The following APBA1 variants were observed in gnomAD, a reference collection of about 807,000 sequenced individuals.
APBA1 encodes the protein amyloid-beta A4 precursor protein-binding family A member 1.
In APBA1, 55 loss-of-function variants were observed where a neutral mutation model predicts 86.6. The ratio of observed to expected loss-of-function variants is 0.64; its 90% CI spans 0.51 to 0.80. APBA1 has a LOEUF of 0.80. APBA1 is among the 30% of genes least tolerant of loss of function. The pLI is 0.00. For missense variants in APBA1, 1,090 were observed against 1,183.0 expected (o/e 0.92, Z 1.15); for synonymous variants, 511 against 493.9 (o/e 1.03, Z -0.46).
At chr9:69,445,890 G>A (rs1027895673) in intron 10 of APBA1, among the ~76,000 whole-genome samples, 4 of 152,118 alleles carry the variant, frequency 2.6e-5, no homozygotes, top group South Asian at 2.1e-4. Flanking sequence ...CATCCCCGCC[G>A]CAAAGCCTGC....
At chr9:69,585,158 G>A (rs77104205) in intron 1 of APBA1, among the ~76,000 whole-genome samples, 1,664 of 152,256 alleles carry the variant, frequency 0.011, 78 homozygotes, top group East Asian at 0.078. Flanking sequence ...GATATAAACA[G>A]CAAACAAATA....
chr9:69,444,932 T>C (rs1834883565), intron 10 of APBA1, among the ~76,000 whole-genome samples: 1 of 152,176 alleles, frequency 6.6e-6, no homozygotes, highest in Admixed American at 6.5e-5. Flanking sequence ...CTTCACCCTT[T>C]TCTCTCTAAT....
intron 7 of APBA1, among the ~76,000 whole-genome samples, chr9:69,456,690 A>T (rs964474484): frequency 6.6e-6 from 1 of 152,034 alleles, no homozygotes; most frequent in Non-Finnish European, 1.5e-5. Context: ...CTTGTGGAGA[A>T]GTTTAAAAAA....
At chr9:69,629,481 GACA>G (rs1822996007) in intron 1 of APBA1, among the ~76,000 whole-genome samples, 1 of 152,178 alleles carries the variant, frequency 6.6e-6, no homozygotes, top group South Asian at 2.1e-4. Flanking sequence ...ATGAAATGAT[GACA>G]ACAAGTTGCA....
intron 10 of APBA1, among the ~76,000 whole-genome samples, chr9:69,441,985 T>G (rs1834832135): frequency 6.6e-6 from 1 of 152,212 alleles, no homozygotes; most frequent in Admixed American, 6.5e-5. Context: ...AGCCCTGGTG[T>G]GCTCAGAAGC....
rs147964814 is a variant in APBA1, at chr9:69,467,698, G to A, written c.1482+125C>T. On this transcript the variant is annotated intron_variant, in intron 5 of 12. Coordinates refer to ENST00000265381, the MANE Select transcript of APBA1 (RefSeq NM_001163.4). ...GTTAGCAGGCACATGGATAAGCACTGCCTGTGTGATGTCATCTCAAACCAC... is the reference window on the plus strand; with the variant it reads ...GTTAGCAGGCACATGGATAAGCACTACCTGTGTGATGTCATCTCAAACCAC... 0.022 allele frequency: 28,934 copies of A among 1,321,578 alleles called. 424 individuals are homozygous for A. Among genetic ancestry groups the A allele is most frequent in the Non-Finnish European group, 0.027 (25,662 of 958,868 alleles). 81.9% of individuals were successfully genotyped at this position (1,321,578 alleles called of 1,614,324 possible). A position where few individuals can be genotyped will look rare whatever the true frequency, so the allele number is the denominator to read the frequency against.
intron 1 of APBA1, among the ~76,000 whole-genome samples, chr9:69,610,748 C>G (rs779285471): frequency 2.4e-4 from 37 of 152,080 alleles, no homozygotes; most frequent in Non-Finnish European, 4.3e-4. Flanking sequence ...TCTTTGCTCT[C>G]AAGAGATTAA....
At chr9:69,593,533 G>A (rs1822172087) in intron 1 of APBA1, among the ~76,000 whole-genome samples, 1 of 152,192 alleles carries the variant, frequency 6.6e-6, no homozygotes, top group Non-Finnish European at 1.5e-5. Flanking sequence ...TGAGAGCTGA[G>A]GTTCATCTGT....
intron 2 of APBA1, among the ~76,000 whole-genome samples, chr9:69,493,147 C>G (rs1011139003): frequency 1.1e-4 from 16 of 152,018 alleles, no homozygotes; most frequent in African/African-American, 3.6e-4. Flanking sequence ...TTAACAAGCC[C>G]CGAACAAGTC....
At chr9:69,544,654 T>C (rs962598680) in intron 1 of APBA1, among the ~76,000 whole-genome samples, 1 of 152,232 alleles carries the variant, frequency 6.6e-6, no homozygotes, top group Admixed American at 6.5e-5. Flanking sequence ...TTACTATTGA[T>C]ATTGAAGACA....
chr9:69,610,988 T>G (rs1413627399), intron 1 of APBA1, among the ~76,000 whole-genome samples: 2 of 151,908 alleles, frequency 1.3e-5, no homozygotes, highest in East Asian at 3.9e-4. Context: ...ACTTTGAATC[T>G]GCTGACTTTT....
chr9:69,604,238 G>GCA (rs1459212435), intron 1 of APBA1, among the ~76,000 whole-genome samples: 2 of 96,550 alleles, frequency 2.1e-5, no homozygotes, highest in African/African-American at 4.1e-5. Flanking sequence ...GTGTGGGCAC[G>GCA]CATATGAGGG....
At chr9:69,658,222 C>CTCTCTCTTTCTTTCTT (rs1554709904) in intron 1 of APBA1, among the ~76,000 whole-genome samples, 2 of 104,220 alleles carry the variant, frequency 1.9e-5, no homozygotes, top group African/African-American at 6.3e-5. Context: ...AGTCCTTTCT[C>CTCTCTCTTTCTTTCTT]TCTTTCTTTC....
intron 1 of APBA1, among the ~76,000 whole-genome samples, chr9:69,640,582 T>C (rs939652286): frequency 1.3e-5 from 2 of 152,090 alleles, no homozygotes; most frequent in African/African-American, 4.8e-5. Context: ...CTGAATGTTA[T>C]ATATATTACA....
At chr9:69,539,555 C>T (rs1438333679) in intron 1 of APBA1, among the ~76,000 whole-genome samples, 1 of 152,218 alleles carries the variant, frequency 6.6e-6, no homozygotes, top group Non-Finnish European at 1.5e-5. Context: ...CAACAGCTTC[C>T]TAATTTGTCT....
intron 1 of APBA1, among the ~76,000 whole-genome samples, chr9:69,648,495 G>T (rs1823432805): frequency 6.6e-6 from 1 of 152,102 alleles, no homozygotes; most frequent in African/African-American, 2.4e-5. Flanking sequence ...CTTATACTTT[G>T]GTAAGCCATA....
At chr9:69,606,635 G>A (rs1157280826) in intron 1 of APBA1, among the ~76,000 whole-genome samples, 1 of 151,838 alleles carries the variant, frequency 6.6e-6, no homozygotes. Context: ...GGGACTACAG[G>A]CGCCCACCAC....
chr9:69,544,700 T>A (rs1836669172), intron 1 of APBA1, among the ~76,000 whole-genome samples: 1 of 152,226 alleles, frequency 6.6e-6, no homozygotes, highest in Non-Finnish European at 1.5e-5. Context: ...TTTGGTAACA[T>A]ACTGAAAGAA....
chr9:69,561,336 A>T (rs1425812365), intron 1 of APBA1, among the ~76,000 whole-genome samples: 2 of 152,168 alleles, frequency 1.3e-5, no homozygotes, highest in Non-Finnish European at 2.9e-5. Flanking sequence ...TCAGGAAAAA[A>T]CAGCTTACTG....
Sources: allele counts gnomAD v4.1 joint callset (sites outside exome capture counted in the v4.1 genomes callset), GRCh38; gene constraint gnomAD v4.1.1; transcripts MANE v1.5; gene names NCBI Gene and HGNC (gene_info 2026-07-23, HGNC 2026-07-21).